ULK4: variants seen among roughly 807,000 people sequenced by gnomAD.
ULK4 encodes the protein unc-51 like kinase 4, also known as inactive serine/threonine-protein kinase ULK4.
A neutral mutation model predicts 160.6 loss-of-function variants in ULK4; 133 were observed. The observed-to-expected ratio is 0.83, with a 90% CI of 0.72 to 0.96. The LOEUF (loss-of-function observed/expected upper bound fraction) is 0.96. Among genes scored for constraint, ULK4 ranks in the 40% least tolerant of loss-of-function variants. ULK4 has a pLI of 0.00. For missense variants in ULK4, 1,580 were observed against 1,499.5 expected (o/e 1.05, Z -0.89); for synonymous variants, 534 against 539.8 (o/e 0.99, Z 0.15).
intron 35 of ULK4, among the ~76,000 whole-genome samples, chr3:41,357,505 C>T (rs139125554): frequency 6.6e-5 from 10 of 152,226 alleles, no homozygotes; most frequent in African/African-American, 2.2e-4. Context: ...GTCTGCTTCC[C>T]GCGGTGTCAG....
rs570426627 is a variant in ULK4 at position 41,700,892 on chromosome 3, TA to T, written c.2781+4164del. On this transcript the variant is annotated intron_variant, in intron 27 of 36. Coordinates refer to ENST00000301831, the MANE Select transcript of ULK4 (RefSeq NM_017886.4). ...ATAAAAAGCAATACAGATTTGAAAA[TA>T]AAAAAGACAAGCAGAATTTCTAGCA... 5.9e-4 allele frequency among the ~76,000 whole-genome samples: 89 copies of T among 151,056 alleles called. 2 individuals carry two copies. The highest frequency in any genetic ancestry group is 2.0e-3 in the African/African-American group (83 of 41,096).
chr3:41,779,777 T>G (rs575993736), intron 21 of ULK4, among the ~76,000 whole-genome samples: 2 of 84,414 alleles, frequency 2.4e-5, no homozygotes, highest in African/African-American at 1.1e-4. Context: ...TAGGTGGGAA[T>G]TGAACAATGA....
At chr3:41,796,892 G>T (rs945894609) in intron 20 of ULK4, among the ~76,000 whole-genome samples, 3 of 152,026 alleles carry the variant, frequency 2.0e-5, no homozygotes, top group Non-Finnish European at 1.5e-5. Flanking sequence ...AGCCCAGAAC[G>T]GTACGTGGTA....
Position 41,842,186 on chromosome 3 carries a change from A to T in ULK4, c.1657-6215T>A, listed in dbSNP as rs76888198. On this transcript the variant is annotated intron_variant, in intron 17 of 36. Coordinates refer to ENST00000301831, the MANE Select transcript of ULK4 (RefSeq NM_017886.4). ...ACGCTGCAATGAACATGTAAAAAAAAAAATAAAAAAAAAGAAGACTAAGGT... is the reference window on the plus strand; with the variant it reads ...ACGCTGCAATGAACATGTAAAAAAATAAATAAAAAAAAAGAAGACTAAGGT... Among the ~76,000 whole-genome samples the T allele has an allele frequency of 3.7e-3, 527 of 141,626 alleles. 27 individuals are homozygous for T. In the East Asian group the frequency reaches 0.088, roughly 24 times the overall value. 92.9% of individuals were successfully genotyped at this position (141,626 alleles called of 152,430 possible).
intron 17 of ULK4, among the ~76,000 whole-genome samples, chr3:41,873,942 T>C (rs554305516): frequency 2.3e-4 from 35 of 151,536 alleles, no homozygotes; most frequent in Non-Finnish European, 5.0e-4. Flanking sequence ...AACAGCTAAA[T>C]TGCCATAATT....
rs1239603441 is a variant in ULK4 at position 41,295,267 on chromosome 3, A to AG, written c.3679-45694dup. Reference sequence around the variant, plus strand: ...ACATGCAAAACATGAATGCAGACACAGATCTTTTACTCTCACAAAAATCAA... The same window carrying AG: ...ACATGCAAAACATGAATGCAGACACAGGATCTTTTACTCTCACAAAAATCAA... On this transcript the variant is annotated intron_variant, in intron 35 of 36. Transcript: ENST00000301831. Among the ~76,000 whole-genome samples the AG allele has an allele frequency of 3.2e-4, 25 of 78,256 alleles. 9 individuals are homozygous for AG. The highest frequency in any genetic ancestry group is 9.1e-4 in the South Asian group (2 of 2,194). The allele number at this position is 78,256 out of a possible 152,430, so 51.3% of individuals were successfully genotyped here. A position where few individuals can be genotyped will look rare whatever the true frequency, so the allele number is the denominator to read the frequency against.
At chr3:41,609,005 TGAGCAGAACATA>T (rs1246160450) in intron 31 of ULK4, among the ~76,000 whole-genome samples, 1 of 152,188 alleles carries the variant, frequency 6.6e-6, no homozygotes, top group African/African-American at 2.4e-5. Context: ...TTCCTCAAAG[TGAGCAGAACATA>T]GAGCAGAACT....
intron 7 of ULK4, among the ~76,000 whole-genome samples, chr3:41,918,051 T>C (rs973196585): frequency 1.3e-5 from 2 of 151,852 alleles, no homozygotes; most frequent in Non-Finnish European, 2.9e-5. Context: ...TTAAAACTTA[T>C]AAGGGTAGCA....
chr3:41,744,744 CA>C (rs940791741), intron 22 of ULK4, among the ~76,000 whole-genome samples: 4 of 151,866 alleles, frequency 2.6e-5, no homozygotes, highest in Non-Finnish European at 5.9e-5. Flanking sequence ...ACATCCCCAA[CA>C]AGCAGCAGAA....
intron 35 of ULK4, among the ~76,000 whole-genome samples, chr3:41,353,211 T>C (rs9311272): frequency 0.33 from 49,864 of 152,120 alleles, 8,249 homozygotes; most frequent in South Asian, 0.45. Context: ...TTCAGATTTC[T>C]GTTGACTCTT....
At chr3:41,454,554 A>T (rs2083497708) in intron 34 of ULK4, among the ~76,000 whole-genome samples, 1 of 151,504 alleles carries the variant, frequency 6.6e-6, no homozygotes, top group Non-Finnish European at 1.5e-5. Context: ...AAAAAAAAAA[A>T]AGAAAGAAAA....
Position 41,948,448 on chromosome 3 carries a change from T to C in ULK4, c.138+6174A>G, listed in dbSNP as rs184021694. On this transcript the variant is annotated intron_variant, in intron 2 of 36. Transcript: ENST00000301831. ...CCTGGACGAAAGAGTCTGGACTCTG[T>C]CTCAAAAAAAAGAAAGAGTGTTTAT... Among the ~76,000 whole-genome samples, 353 of 151,946 alleles carry C rather than the reference T, an allele frequency of 2.3e-3. 1 individual carries two copies. The highest frequency in any genetic ancestry group is 4.0e-3 in the Non-Finnish European group (274 of 67,936).
At chr3:41,832,903 T>C (rs548094422) in intron 18 of ULK4, among the ~76,000 whole-genome samples, 1 of 152,226 alleles carries the variant, frequency 6.6e-6, no homozygotes, top group Admixed American at 6.5e-5. Context: ...ATGTCTGTTT[T>C]GTACCAGTAC....
intron 5 of ULK4, among the ~76,000 whole-genome samples, chr3:41,925,205 G>A (rs1350463887): frequency 6.6e-6 from 1 of 152,194 alleles, no homozygotes; most frequent in Non-Finnish European, 1.5e-5. Context: ...GAGGTACCAG[G>A]TTCATCTCAC....
At chr3:41,287,865 G>A (rs2079492242) in intron 35 of ULK4, among the ~76,000 whole-genome samples, 1 of 152,200 alleles carries the variant, frequency 6.6e-6, no homozygotes, top group African/African-American at 2.4e-5. Flanking sequence ...AGCCCAATTA[G>A]TCTTACAGTT....
intron 34 of ULK4, among the ~76,000 whole-genome samples, chr3:41,450,922 A>T (rs2083411389): frequency 6.6e-6 from 1 of 152,220 alleles, no homozygotes; most frequent in East Asian, 1.9e-4. Flanking sequence ...TCATGCATAC[A>T]TCTAGCCAAT....
At chr3:41,550,977 A>G (rs1001058729) in intron 32 of ULK4, among the ~76,000 whole-genome samples, 2 of 152,046 alleles carry the variant, frequency 1.3e-5, no homozygotes, top group Non-Finnish European at 2.9e-5. Context: ...AATACCATAA[A>G]GAATGCTGGA....
intron 35 of ULK4, among the ~76,000 whole-genome samples, chr3:41,303,699 G>C (rs1446588930): frequency 6.6e-6 from 1 of 152,100 alleles, no homozygotes; most frequent in Non-Finnish European, 1.5e-5. Flanking sequence ...CTGCACTGTG[G>C]TTTCCTTCTG....
At chr3:41,845,912 T>C (rs2042059208) in intron 17 of ULK4, among the ~76,000 whole-genome samples, 1 of 152,196 alleles carries the variant, frequency 6.6e-6, no homozygotes, top group Non-Finnish European at 1.5e-5. Flanking sequence ...GCTTTCTGCT[T>C]CACAAAGTTA....
Sources: gnomAD v4.1 joint callset for allele counts (sites outside exome capture counted in the v4.1 genomes callset) on GRCh38, gnomAD v4.1.1 for gene constraint, MANE v1.5 for transcripts, NCBI Gene and HGNC (gene_info 2026-07-23, HGNC 2026-07-21) for gene names.